ATF6: variants seen among roughly 807,000 people sequenced by gnomAD.
The protein encoded by ATF6 is activating transcription factor 6, also known as cyclic AMP-dependent transcription factor ATF-6 alpha.
Under a neutral mutation model 83.6 loss-of-function variants are expected in ATF6, and 53 were observed. The ratio of observed to expected loss-of-function variants is 0.63; its 90% CI spans 0.51 to 0.80. ATF6 has a LOEUF of 0.80. Among genes scored for constraint, ATF6 ranks in the 30% least tolerant of loss-of-function variants. The pLI, the probability that ATF6 is intolerant of heterozygous loss-of-function variation, is 0.00. For missense variants in ATF6, 744 were observed against 797.9 expected, an observed-to-expected ratio of 0.93 and a Z score of 0.81; for synonymous variants, 288 against 285.8, an observed-to-expected ratio of 1.01 and a Z score of -0.08.
At chr1:161,846,166 T>G (rs1308190306) in intron 9 of ATF6, among the ~76,000 whole-genome samples, 2 of 152,226 alleles carry the variant, frequency 1.3e-5, no homozygotes, top group African/African-American at 4.8e-5. Flanking sequence ...CATATATACA[T>G]GTAATTATCA....
intron 15 of ATF6, among the ~76,000 whole-genome samples, chr1:161,927,051 A>G (rs1688328987): frequency 6.6e-6 from 1 of 152,180 alleles, no homozygotes; most frequent in Admixed American, 6.6e-5. Context: ...TTTCAAAAGA[A>G]GACTAAAATG....
intron 10 of ATF6, among the ~76,000 whole-genome samples, chr1:161,851,141 TACACACACACAC>T (rs35398462): frequency 1.5e-5 from 2 of 135,874 alleles, no homozygotes; most frequent in African/African-American, 5.7e-5. Context: ...ATCCTTAACA[TACACACACACAC>T]ACACACACAC....
intron 8 of ATF6, 114 bp downstream of exon 8, chr1:161,819,932 A>G (rs1685710502): frequency 9.6e-7 from 1 of 1,036,404 alleles, no homozygotes; most frequent in Non-Finnish European, 1.3e-6. Flanking sequence ...TGCTAGGAAA[A>G]GGAGGGTATA....
chr1:161,907,728 G>A (rs1010271475), intron 14 of ATF6, among the ~76,000 whole-genome samples: 4 of 152,144 alleles, frequency 2.6e-5, no homozygotes, highest in Non-Finnish European at 5.9e-5. Context: ...AAAAAGATAT[G>A]TATCTTTATT....
At chr1:161,891,011 G>A (rs1194142752) in intron 14 of ATF6, 24 of 152,244 alleles carry the variant, frequency 1.6e-4, no homozygotes, top group Admixed American at 1.6e-3. Flanking sequence ...GTATCGCCCA[G>A]GAGGCCGAGG....
At chr1:161,832,431 C>T (rs1003173337) in intron 9 of ATF6, among the ~76,000 whole-genome samples, 10 of 152,072 alleles carry the variant, frequency 6.6e-5, no homozygotes, top group Non-Finnish European at 1.0e-4. Flanking sequence ...TGCAGCGCAC[C>T]GTGCATGAGC....
At chr1:161,833,883 T>G (rs1362916543) in intron 9 of ATF6, among the ~76,000 whole-genome samples, 8 of 152,068 alleles carry the variant, frequency 5.3e-5, no homozygotes, top group Non-Finnish European at 1.0e-4. Flanking sequence ...AGGCCAACAT[T>G]CAAATTCAGG....
Position 161,912,327 on chromosome 1 carries a change from A to G in ATF6, c.1751A>G (p.Asn584Ser). Reference sequence around the variant, plus strand: ...CTGCTGTTACCAGCTACCACCCATAACAAGACCACAAGACCAAAAATGTCA... The same window carrying G: ...CTGCTGTTACCAGCTACCACCCATAGCAAGACCACAAGACCAAAAATGTCA... ...DHLLLPATTH[N>S]KTTRPKMSIV... The change falls in exon 15 of 16, where the codon AAC becomes AGC. Residue 584 changes from asparagine (N) to serine (S), a missense_variant. Physicochemically the swap from Asn to Ser is conservative, Grantham distance 46 (BLOSUM62 1). Transcript: ENST00000367942. 6.2e-7 allele frequency: 1 copy of G among 1,608,982 alleles called. No homozygotes were observed. Among genetic ancestry groups the G allele is most frequent in the Non-Finnish European group, 8.5e-7 (1 of 1,178,008 alleles).
chr1:161,863,118 C>T (rs921687804), intron 13 of ATF6, 80 bp from the exon 14 acceptor site: 3 of 741,732 alleles, frequency 4.0e-6, no homozygotes, highest in Non-Finnish European at 6.5e-6. Flanking sequence ...AGAATTCAGA[C>T]ATAGCCTTAG....
chr1:161,817,285 A>T (rs1218590622), intron 7 of ATF6, among the ~76,000 whole-genome samples: 1 of 152,198 alleles, frequency 6.6e-6, no homozygotes, highest in Non-Finnish European at 1.5e-5. Flanking sequence ...CTTTTGTCTA[A>T]CTTTTAGTAT....
At chr1:161,832,490 T>A (rs953495258) in intron 9 of ATF6, among the ~76,000 whole-genome samples, 4 of 152,122 alleles carry the variant, frequency 2.6e-5, no homozygotes, top group Admixed American at 2.6e-4. Flanking sequence ...AGGGGTCAGG[T>A]AGTTCCCTTT....
In ATF6 at chr1:161,937,347, TAAAAAA is replaced by T. The variant is rs35432799; in HGVS notation, c.1805-21081_1805-21076del. 1.1e-4 allele frequency among the ~76,000 whole-genome samples: 12 copies of T among 111,006 alleles called. No individual in the cohort carries two copies. The South Asian group carries it at 1.2e-3, about 12-fold the overall frequency. The allele number at this position is 111,006 out of a possible 152,430, so 72.8% of individuals were successfully genotyped here. ...CGACAGAGTGAGACTCCCTCTCAGT[TAAAAAA>T]AAAAAAAAAAAAAAAAATCACCTTA... is the stretch of plus-strand genomic sequence containing the variant. On this transcript the variant is annotated intron_variant, in intron 15 of 15. Transcript: ENST00000367942.
Position 161,802,865 on chromosome 1 carries a change from A to G in ATF6, c.909+593A>G, listed in dbSNP as rs558670658. On this transcript the variant is annotated intron_variant, in intron 7 of 15. Transcript: ENST00000367942. ...TAATTTATAAATCACATAGTTTCCT[A>G]AGACCTGTCACTCTCTAAAGCCAGT... Among the ~76,000 whole-genome samples, 3 of 152,322 alleles carry G rather than the reference A, an allele frequency of 2.0e-5. No individual in the cohort carries two copies. The South Asian group carries it at 6.2e-4, about 32-fold the overall frequency.
At chr1:161,777,050 G>C (rs578199662) in intron 1 of ATF6, among the ~76,000 whole-genome samples, 1 of 152,308 alleles carries the variant, frequency 6.6e-6, no homozygotes, top group South Asian at 2.1e-4. Context: ...GATCAACTAT[G>C]TTAATGCTGT....
chr1:161,786,754 A>G (rs1360428429), intron 4 of ATF6, among the ~76,000 whole-genome samples: 1 of 152,194 alleles, frequency 6.6e-6, no homozygotes, highest in Non-Finnish European at 1.5e-5. Flanking sequence ...TAGCCATAAT[A>G]CAAGCACAAA....
At chr1:161,915,892 G>A (rs1407405244) in intron 15 of ATF6, among the ~76,000 whole-genome samples, 1 of 152,118 alleles carries the variant, frequency 6.6e-6, no homozygotes, top group African/African-American at 2.4e-5. Context: ...CAAAGTGCTA[G>A]GATTACAGAC....
At chr1:161,813,204 T>C (rs1685518492) in intron 7 of ATF6, among the ~76,000 whole-genome samples, 1 of 152,206 alleles carries the variant, frequency 6.6e-6, no homozygotes, top group South Asian at 2.1e-4. Context: ...AGTTTTAAGA[T>C]TTAATTTTTA....
chr1:161,820,259 T>C (rs1161433008), intron 8 of ATF6, among the ~76,000 whole-genome samples: 1 of 152,218 alleles, frequency 6.6e-6, no homozygotes, highest in African/African-American at 2.4e-5. Flanking sequence ...ATTCGGGAAA[T>C]TTGCTGTTTT....
intron 9 of ATF6, among the ~76,000 whole-genome samples, chr1:161,841,559 A>G (rs1057100133): frequency 7.9e-5 from 12 of 152,216 alleles, no homozygotes; most frequent in African/African-American, 2.7e-4. Flanking sequence ...TATTCTAGCC[A>G]ATGGATAGAT....
Sources: allele counts gnomAD v4.1 joint callset (sites outside exome capture counted in the v4.1 genomes callset), GRCh38; gene constraint gnomAD v4.1.1; transcripts MANE v1.5; gene names NCBI Gene and HGNC (gene_info 2026-07-23, HGNC 2026-07-21).